The following SH3RF3 variants were observed in gnomAD, a reference collection of about 807,000 sequenced individuals.
The protein encoded by SH3RF3 is E3 ubiquitin-protein ligase SH3RF3.
SH3RF3 carries 29 observed loss-of-function variants against 66.3 expected under a neutral mutation model. The observed-to-expected ratio is 0.44, with a 90% CI of 0.33 to 0.60. The LOEUF (loss-of-function observed/expected upper bound fraction) is 0.60, where lower values mean the gene tolerates loss of function less well. SH3RF3 is among the 20% of genes least tolerant of loss of function. The probability of loss-of-function intolerance (pLI) is 0.04; values close to 1 mark genes in which losing one functional copy is unlikely to be tolerated. For missense variants in SH3RF3, 1,194 were observed against 1,190.9 expected (o/e 1.00, Z -0.04); for synonymous variants, 583 against 532.0 (o/e 1.10, Z -1.32).
chr2:109,152,928 G>A (rs1677256993), intron 1 of SH3RF3, among the ~76,000 whole-genome samples: 1 of 152,166 alleles, frequency 6.6e-6, no homozygotes, highest in African/African-American at 2.4e-5. Flanking sequence ...TTTAATCTCT[G>A]GGATGAAAAC....
intron 1 of SH3RF3, among the ~76,000 whole-genome samples, chr2:109,193,142 C>T (rs1428594444): frequency 6.6e-6 from 1 of 152,148 alleles, no homozygotes; most frequent in Non-Finnish European, 1.5e-5. Context: ...TTTTGAATCC[C>T]AGAGGAAAGG....
intron 1 of SH3RF3, among the ~76,000 whole-genome samples, chr2:109,136,932 C>T (rs1292223357): frequency 6.6e-6 from 1 of 152,166 alleles, no homozygotes; most frequent in East Asian, 1.9e-4. Context: ...CATCTTTACC[C>T]TGGTTCAAGG....
intron 1 of SH3RF3, among the ~76,000 whole-genome samples, chr2:109,275,483 A>G (rs1004955989): frequency 6.6e-6 from 1 of 152,154 alleles, no homozygotes; most frequent in Non-Finnish European, 1.5e-5. Context: ...TCAGGGCCTT[A>G]TTTATTGATT....
At chr2:109,399,649 A>T (rs1314057017) in intron 4 of SH3RF3, among the ~76,000 whole-genome samples, 3 of 152,218 alleles carry the variant, frequency 2.0e-5, no homozygotes, top group Admixed American at 6.5e-5. Context: ...AAATGATTAA[A>T]AAAATTTTTA....
intron 5 of SH3RF3, among the ~76,000 whole-genome samples, chr2:109,425,698 GAA>G: frequency 6.6e-6 from 1 of 151,590 alleles, no homozygotes; most frequent in East Asian, 1.9e-4. Context: ...CTACTGCTCA[GAA>G]AAAAAAGATT....
intron 7 of SH3RF3, among the ~76,000 whole-genome samples, chr2:109,438,576 G>T (rs115718927): frequency 0.01 from 1,526 of 152,294 alleles, 31 homozygotes; most frequent in African/African-American, 0.035. Flanking sequence ...AATCAGCTAA[G>T]AATGATTCTT....
chr2:109,400,509 C>T (rs557886143), intron 4 of SH3RF3, among the ~76,000 whole-genome samples: 2 of 151,986 alleles, frequency 1.3e-5, no homozygotes, highest in South Asian at 4.2e-4. Flanking sequence ...ACACATACAC[C>T]CCTCCAGGTG....
At chr2:109,217,295 A>G (rs1404526119) in intron 1 of SH3RF3, among the ~76,000 whole-genome samples, 3 of 151,970 alleles carry the variant, frequency 2.0e-5, no homozygotes, top group Non-Finnish European at 4.4e-5. Context: ...TTTCAAATAC[A>G]GAGTCCTTGG....
chr2:109,500,436 G>A (rs1467212542), intron 9 of SH3RF3, among the ~76,000 whole-genome samples: 2 of 152,126 alleles, frequency 1.3e-5, no homozygotes, highest in African/African-American at 2.4e-5. Flanking sequence ...GCCATGCAGG[G>A]AAGACCCCAG....
chr2:109,502,309 G>T lies in SH3RF3; in HGVS notation c.*638G>T, dbSNP rs1671900977. 1 of 152,114 alleles carries T rather than the reference G, an allele frequency of 6.6e-6. No homozygotes were observed. The highest frequency in any genetic ancestry group is 1.5e-5 in the Non-Finnish European group (1 of 68,036). The allele number at this position is 152,114 out of a possible 1,614,324, so 9.4% of individuals were successfully genotyped here. A position where few individuals can be genotyped will look rare whatever the true frequency, so the allele number is the denominator to read the frequency against. On this transcript the variant is annotated 3_prime_UTR_variant, in exon 10 of 10. Transcript: ENST00000309415. ...TTTCTGTTCACCACCATTGTCCCTT[G>T]CATTACTTCTTTCTTACAGCATATT...
chr2:109,378,203 G>A (rs1439652626), intron 3 of SH3RF3, among the ~76,000 whole-genome samples: 7 of 152,194 alleles, frequency 4.6e-5, no homozygotes, highest in African/African-American at 7.2e-5. Flanking sequence ...TGTGGTCCGG[G>A]TGGGTTCACC....
intron 3 of SH3RF3, among the ~76,000 whole-genome samples, chr2:109,395,777 T>C (rs1676127510): frequency 6.6e-6 from 1 of 152,194 alleles, no homozygotes; most frequent in Non-Finnish European, 1.5e-5. Context: ...CTGTGTCTCC[T>C]GATGAGAATA....
At chr2:109,360,217 C>T (rs1344858636) in intron 2 of SH3RF3, among the ~76,000 whole-genome samples, 1 of 152,152 alleles carries the variant, frequency 6.6e-6, no homozygotes, top group Non-Finnish European at 1.5e-5. Context: ...TTACTCTGAA[C>T]ATGTAATTTT....
intron 4 of SH3RF3, among the ~76,000 whole-genome samples, chr2:109,418,451 G>T (rs1470592172): frequency 6.6e-6 from 1 of 152,070 alleles, no homozygotes; most frequent in Non-Finnish European, 1.5e-5. Context: ...GTCTGTTCCG[G>T]GGCTCCCTCC....
At chr2:109,409,649 C>T (rs1353623281) in intron 4 of SH3RF3, among the ~76,000 whole-genome samples, 1 of 152,158 alleles carries the variant, frequency 6.6e-6, no homozygotes, top group African/African-American at 2.4e-5. Context: ...GCTGCTGCCT[C>T]TCCCAGGACA....
intron 4 of SH3RF3, among the ~76,000 whole-genome samples, chr2:109,405,151 T>G (rs13422599): frequency 0.12 from 17,546 of 151,996 alleles, 1,334 homozygotes; most frequent in East Asian, 0.31. Flanking sequence ...GCACCTCTTT[T>G]AAACTACAGA....
intron 8 of SH3RF3, among the ~76,000 whole-genome samples, chr2:109,479,148 C>T (rs1678767565): frequency 6.6e-6 from 1 of 152,192 alleles, no homozygotes; most frequent in African/African-American, 2.4e-5. Context: ...AATGTGGCGA[C>T]TGGGTTCCGA....
At chr2:109,268,156 T>C (rs1680541739) in intron 1 of SH3RF3, among the ~76,000 whole-genome samples, 2 of 151,818 alleles carry the variant, frequency 1.3e-5, no homozygotes, top group African/African-American at 4.8e-5. Context: ...CTTTTGCTGA[T>C]GTTTGTGATG....
intron 9 of SH3RF3, among the ~76,000 whole-genome samples, chr2:109,496,399 A>G (rs138380113): frequency 0.99 from 151,239 of 152,306 alleles, 75,094 homozygotes; most frequent in Middle Eastern, 1. Context: ...TGATTGGTGC[A>G]TTTTACAATC....
Sources: gnomAD v4.1 joint callset for allele counts (sites outside exome capture counted in the v4.1 genomes callset) on GRCh38, gnomAD v4.1.1 for gene constraint, MANE v1.5 for transcripts, NCBI Gene and HGNC (gene_info 2026-07-23, HGNC 2026-07-21) for gene names.